The following ADARB2 variants were observed in gnomAD, a reference collection of about 807,000 sequenced individuals.
The protein encoded by ADARB2 is inactive double-stranded RNA-specific editase B2.
A neutral mutation model predicts 62.2 loss-of-function variants in ADARB2; 25 were observed. The observed-to-expected ratio is 0.40, with a 90% CI of 0.29 to 0.56. The LOEUF (loss-of-function observed/expected upper bound fraction) is 0.56. ADARB2 is among the 20% of genes least tolerant of loss of function. ADARB2 has a pLI of 0.43. For synonymous variants in ADARB2, 572 were observed against 500.8 expected, an observed-to-expected ratio of 1.14 and a Z score of -1.90; for missense variants, 1,071 against 1,077.4, an observed-to-expected ratio of 0.99 and a Z score of 0.08.
chr10:1,613,328 C>A (rs1021199085), intron 1 of ADARB2, among the ~76,000 whole-genome samples: 2 of 152,044 alleles, frequency 1.3e-5, no homozygotes, highest in Non-Finnish European at 2.9e-5. Flanking sequence ...TTTTTTTAAG[C>A]AAAAATATAA....
intron 1 of ADARB2, among the ~76,000 whole-genome samples, chr10:1,711,708 C>T (rs535446874): frequency 3.5e-4 from 53 of 152,216 alleles, no homozygotes; most frequent in Middle Eastern, 3.4e-3. Context: ...CCAAAGCTCT[C>T]GAGGCTAAAG....
At chr10:1,357,937 T>G (rs1832211971) in intron 3 of ADARB2, among the ~76,000 whole-genome samples, 1 of 152,218 alleles carries the variant, frequency 6.6e-6, no homozygotes, top group Admixed American at 6.5e-5. Flanking sequence ...AAGCAGGTTT[T>G]TCCTACGTTT....
At chr10:1,420,948 T>C (rs1450954320) in intron 1 of ADARB2, among the ~76,000 whole-genome samples, 1 of 151,934 alleles carries the variant, frequency 6.6e-6, no homozygotes, top group East Asian at 1.9e-4. Flanking sequence ...TGTTCCTGCC[T>C]GCCCTGCGCC....
At chr10:1,519,014 A>G (rs1190838859) in intron 1 of ADARB2, among the ~76,000 whole-genome samples, 8 of 151,506 alleles carry the variant, frequency 5.3e-5, no homozygotes, top group Non-Finnish European at 1.2e-4. Flanking sequence ...TAACGTCTGC[A>G]CATGGTATGG....
chr10:1,479,472 T>C (rs908896730), intron 1 of ADARB2, among the ~76,000 whole-genome samples: 1 of 152,102 alleles, frequency 6.6e-6, no homozygotes, highest in Non-Finnish European at 1.5e-5. Flanking sequence ...GTAGAGCAGC[T>C]TGGAGTAGAG....
At chr10:1,368,636 C>T (rs940856768) in intron 2 of ADARB2, among the ~76,000 whole-genome samples, 1 of 152,216 alleles carries the variant, frequency 6.6e-6, no homozygotes, top group Non-Finnish European at 1.5e-5. Flanking sequence ...TTAGCTTTTC[C>T]ACACACAACA....
intron 1 of ADARB2, among the ~76,000 whole-genome samples, chr10:1,576,990 C>A (rs937634042): frequency 2.6e-5 from 4 of 152,094 alleles, no homozygotes; most frequent in African/African-American, 9.7e-5. Context: ...GTTGCTGGCC[C>A]GGGGAGGCTC....
At chr10:1,353,992 A>G (rs538177735) in intron 3 of ADARB2, among the ~76,000 whole-genome samples, 1 of 152,260 alleles carries the variant, frequency 6.6e-6, no homozygotes, top group South Asian at 2.1e-4. Flanking sequence ...TATCCAGGCC[A>G]TCACCAATAA....
At chr10:1,706,753 T>G (rs1834894565) in intron 1 of ADARB2, among the ~76,000 whole-genome samples, 1 of 152,140 alleles carries the variant, frequency 6.6e-6, no homozygotes, top group Admixed American at 6.5e-5. Flanking sequence ...CTTACTCCAT[T>G]AAATAAACAC....
At position 1,510,445 on chromosome 10, in the gene ADARB2, G is replaced by A. The variant is rs555808807; in HGVS notation, c.101-131285C>T. 3.3e-5 allele frequency among the ~76,000 whole-genome samples: 5 copies of A among 152,222 alleles called. No individual in the cohort carries two copies. In the East Asian group the frequency reaches 7.7e-4, roughly 24 times the overall value. Reference sequence around the variant, plus strand: ...AATCCTCCCTCCTCAGCATCCCAAAGTGTTGGGATGACAAGGGTGAGCCAC... The same window carrying A: ...AATCCTCCCTCCTCAGCATCCCAAAATGTTGGGATGACAAGGGTGAGCCAC... On this transcript the variant is annotated intron_variant, in intron 1 of 9. Transcript: ENST00000381312.
chr10:1,191,243 C>T (rs1262854923), intron 8 of ADARB2, among the ~76,000 whole-genome samples: 1 of 152,212 alleles, frequency 6.6e-6, no homozygotes, highest in African/African-American at 2.4e-5. Context: ...CAGCGGGGCT[C>T]ACGGTCCAGG....
intron 1 of ADARB2, among the ~76,000 whole-genome samples, chr10:1,540,636 G>A (rs1328162381): frequency 2.2e-5 from 2 of 91,064 alleles, no homozygotes; most frequent in Non-Finnish European, 4.7e-5. Flanking sequence ...GATCACAGCC[G>A]TCCAGACCCC....
Position 1,278,435 on chromosome 10 carries a change from C to CA in ADARB2, c.1078-7367dup, listed in dbSNP as rs1180929335. Among the ~76,000 whole-genome samples the CA allele has an allele frequency of 3.3e-5, 5 of 151,852 alleles. No individual in the cohort carries two copies. In the East Asian group the frequency reaches 7.7e-4, roughly 24 times the overall value. ...GTTTCTCAACCCCCTCCCTCCCCAC[C>CA]AGTATTCCCCAGTGTCTGCTCTTCC... On this transcript the variant is annotated intron_variant, in intron 3 of 9. Coordinates refer to ENST00000381312, the MANE Select transcript of ADARB2 (RefSeq NM_018702.4).
At chr10:1,454,552 T>A (rs1831074845) in intron 1 of ADARB2, among the ~76,000 whole-genome samples, 1 of 152,108 alleles carries the variant, frequency 6.6e-6, no homozygotes, top group Non-Finnish European at 1.5e-5. Flanking sequence ...CTAGGGACCA[T>A]CTACAATGGA....
chr10:1,303,600 A>G (rs905816682), intron 3 of ADARB2, among the ~76,000 whole-genome samples: 2 of 151,654 alleles, frequency 1.3e-5, no homozygotes, highest in Admixed American at 6.6e-5. Flanking sequence ...GTTGAAATGA[A>G]GGAAAAAATG....
intron 1 of ADARB2, among the ~76,000 whole-genome samples, chr10:1,405,385 T>A (rs1264731571): frequency 6.6e-6 from 1 of 152,048 alleles, no homozygotes; most frequent in Admixed American, 6.6e-5. Flanking sequence ...AAATGAGAGA[T>A]CTCCAGAAAT....
At chr10:1,243,844 G>C (rs977008350) in intron 4 of ADARB2, among the ~76,000 whole-genome samples, 1 of 152,174 alleles carries the variant, frequency 6.6e-6, no homozygotes, top group Non-Finnish European at 1.5e-5. Context: ...AGCAGCCCCC[G>C]TTTCTGTGCC....
At chr10:1,275,691 G>C (rs1310003616) in intron 3 of ADARB2, among the ~76,000 whole-genome samples, 1 of 125,046 alleles carries the variant, frequency 8.0e-6, no homozygotes, top group Non-Finnish European at 1.5e-5. Context: ...CGGTTGTGAT[G>C]TTCCCCTTCC....
intron 3 of ADARB2, among the ~76,000 whole-genome samples, chr10:1,279,492 A>G (rs562664914): frequency 7.9e-5 from 12 of 152,106 alleles, no homozygotes; most frequent in Admixed American, 2.6e-4. Context: ...ATTTTTCAGT[A>G]TTTTGTAGAG....
Sources: allele counts gnomAD v4.1 joint callset (sites outside exome capture counted in the v4.1 genomes callset), GRCh38; gene constraint gnomAD v4.1.1; transcripts MANE v1.5; gene names NCBI Gene and HGNC (gene_info 2026-07-23, HGNC 2026-07-21).